CHRM2: variants seen among roughly 807,000 people sequenced by gnomAD.
CHRM2 encodes the protein muscarinic acetylcholine receptor M2.
In CHRM2, 8 loss-of-function variants were observed where a neutral mutation model predicts 25.0. That is an observed-to-expected ratio of 0.32 (90% CI 0.19 to 0.58). The LOEUF (loss-of-function observed/expected upper bound fraction) is 0.58, where lower values mean the gene tolerates loss of function less well. Ranked by LOEUF, CHRM2 falls within the 20% of genes least tolerant of loss-of-function variation. The pLI is 0.88. For missense variants in CHRM2, 440 were observed against 567.1 expected, an observed-to-expected ratio of 0.78 and a Z score of 2.28; for synonymous variants, 202 against 205.7, an observed-to-expected ratio of 0.98 and a Z score of 0.15.
intron 2 of CHRM2, chr7:136,913,987 T>C (rs1030829063): frequency 6.6e-6 from 1 of 151,968 alleles, no homozygotes; most frequent in Non-Finnish European, 1.5e-5. Context: ...GTCAGTTTAA[T>C]GTATCGGATG....
chr7:136,935,381 C>A (rs1371305203), intron 2 of CHRM2, among the ~76,000 whole-genome samples: 1 of 152,008 alleles, frequency 6.6e-6, no homozygotes. Context: ...GTACACAGTA[C>A]CCCAGGCAAA....
At chr7:136,968,396 A>G (rs1801548283) in intron 2 of CHRM2, among the ~76,000 whole-genome samples, 1 of 142,962 alleles carries the variant, frequency 7.0e-6, no homozygotes, top group Non-Finnish European at 1.6e-5. Context: ...CTGAGGGTGT[A>G]GAACAAAGGG....
rs541458670 is a variant in CHRM2 at position 136,928,920 on chromosome 7, G to A, written c.-125+59502G>A. Among the ~76,000 whole-genome samples, 396 of 152,306 alleles carry A rather than the reference G, an allele frequency of 2.6e-3. 1 individual carries two copies. Among genetic ancestry groups the A allele is most frequent in the Non-Finnish European group, 2.9e-3 (198 of 68,018 alleles). ...ATAGCAGCTATCTCACAGGGTTGCTGTGAGGATGAAATAAGAGGCTCTATA... is the reference window on the plus strand; with the variant it reads ...ATAGCAGCTATCTCACAGGGTTGCTATGAGGATGAAATAAGAGGCTCTATA... On this transcript the variant is annotated intron_variant, in intron 2 of 3. Coordinates refer to ENST00000680005, the MANE Select transcript of CHRM2 (RefSeq NM_001006630.2).
chr7:136,884,209 T>C (rs1230553263), intron 2 of CHRM2, among the ~76,000 whole-genome samples: 2 of 152,174 alleles, frequency 1.3e-5, no homozygotes, highest in Admixed American at 6.5e-5. Context: ...TGAACTCTTT[T>C]ATAAAACGAC....
Position 137,015,270 on chromosome 7 carries a change from G to C in CHRM2, c.405G>C (p.Arg135=). 1.9e-6 allele frequency: 3 copies of C among 1,613,316 alleles called. No homozygotes were observed. The highest frequency in any genetic ancestry group is 2.5e-6 in the Non-Finnish European group (3 of 1,179,630). ...VTKPLTYPVK[R]TTKMAGMMIA... is the part of the protein sequence containing the mutation. Reference sequence around the variant, plus strand: ...AACCTCTGACCTACCCAGTCAAGCGGACCACAAAAATGGCAGGTATGATGA... The same window carrying C: ...AACCTCTGACCTACCCAGTCAAGCGCACCACAAAAATGGCAGGTATGATGA... Residue 135 remains arginine, a synonymous_variant, in exon 4 of 4, where the codon CGG becomes CGC. Transcript: ENST00000680005. This position sits in a 1 kb window ranked among gnomAD's most constrained non-coding sequence, Gnocchi z 5.1.
intron 2 of CHRM2, among the ~76,000 whole-genome samples, chr7:136,963,375 T>C (rs324576): frequency 0.88 from 133,540 of 152,134 alleles, 59,170 homozygotes; most frequent in Middle Eastern, 0.97. Context: ...TGATCTCTGC[T>C]CTTGAGGAAC....
At chr7:136,957,236 A>T (rs914663084) in intron 2 of CHRM2, among the ~76,000 whole-genome samples, 1 of 149,824 alleles carries the variant, frequency 6.7e-6, no homozygotes, top group African/African-American at 2.5e-5. Flanking sequence ...CTATCAACAT[A>T]ACAGGTGTCA....
At position 136,868,748 on chromosome 7, in the gene CHRM2, A is replaced by G. The variant is rs1485587971; in HGVS notation, c.-527A>G. ...AAAGACCTAGGGAGCGCGCGCGGGC[A>G]CACACACACACACACACACACACAC... On this transcript the variant is annotated 5_prime_UTR_variant, in exon 1 of 4. Transcript: ENST00000680005. 1 of 13,530 alleles carries G rather than the reference A, an allele frequency of 7.4e-5. No homozygotes were observed. Among genetic ancestry groups the G allele is most frequent in the Non-Finnish European group, 1.8e-4 (1 of 5,564 alleles). The allele number at this position is 13,530 out of a possible 1,614,324, so 0.8% of individuals were successfully genotyped here.
intron 2 of CHRM2, among the ~76,000 whole-genome samples, chr7:136,905,481 T>C (rs1797485085): frequency 6.6e-6 from 1 of 151,784 alleles, no homozygotes; most frequent in Non-Finnish European, 1.5e-5. Flanking sequence ...TTTTGAATTT[T>C]ATACATAACT....
intron 2 of CHRM2, among the ~76,000 whole-genome samples, chr7:136,923,546 T>C (rs188308451): frequency 6.6e-4 from 100 of 152,248 alleles, no homozygotes; most frequent in Non-Finnish European, 1.2e-3. Flanking sequence ...TTAGAAAGAA[T>C]TGGTCACTTG....
At chr7:136,937,329 A>C (rs534066970) in intron 2 of CHRM2, among the ~76,000 whole-genome samples, 4 of 152,252 alleles carry the variant, frequency 2.6e-5, no homozygotes, top group South Asian at 2.1e-4. Flanking sequence ...TATTTAAACA[A>C]GAAGTCAAAC....
chr7:136,945,743 C>T (rs540583239), intron 2 of CHRM2, among the ~76,000 whole-genome samples: 1 of 152,138 alleles, frequency 6.6e-6, no homozygotes, highest in East Asian at 1.9e-4. Flanking sequence ...GAAAAATCTT[C>T]CTGGAGGCAT....
At chr7:136,911,785 C>T (rs1040303508) in intron 2 of CHRM2, among the ~76,000 whole-genome samples, 4 of 151,796 alleles carry the variant, frequency 2.6e-5, no homozygotes, top group Admixed American at 2.6e-4. Context: ...TTCTTTTCTC[C>T]TTCATACAAT....
At chr7:136,930,862 A>C (rs1799043695) in intron 2 of CHRM2, among the ~76,000 whole-genome samples, 1 of 135,118 alleles carries the variant, frequency 7.4e-6, no homozygotes, top group Non-Finnish European at 1.5e-5. Context: ...GCGCCACTGC[A>C]CTCCAGCCTG....
intron 3 of CHRM2, among the ~76,000 whole-genome samples, chr7:136,998,883 T>G (rs1018616118): frequency 1.3e-5 from 2 of 152,112 alleles, no homozygotes; most frequent in Non-Finnish European, 2.9e-5. Context: ...AGAAAACATG[T>G]GCACATAGTG....
intron 2 of CHRM2, among the ~76,000 whole-genome samples, chr7:136,881,722 C>G (rs1304930688): frequency 2.6e-5 from 4 of 151,906 alleles, no homozygotes. Context: ...TAAATTCAGA[C>G]AACAAAAATC....
chr7:136,967,183 G>A (rs1801473555), intron 2 of CHRM2, among the ~76,000 whole-genome samples: 1 of 152,012 alleles, frequency 6.6e-6, no homozygotes, highest in Admixed American at 6.6e-5. Context: ...GGATAGCACT[G>A]TGGAAGGCAG....
intron 2 of CHRM2, among the ~76,000 whole-genome samples, chr7:136,888,979 C>T (rs752838399): frequency 1.5e-5 from 2 of 129,082 alleles, no homozygotes; most frequent in Non-Finnish European, 3.1e-5. Context: ...ACCCGGGAGG[C>T]GGAGCTTGCA....
At chr7:136,904,921 T>C (rs1797448672) in intron 2 of CHRM2, among the ~76,000 whole-genome samples, 1 of 151,972 alleles carries the variant, frequency 6.6e-6, no homozygotes, top group Admixed American at 6.6e-5. Flanking sequence ...ACTACACTTC[T>C]GTATTTGTAA....
Sources: allele counts gnomAD v4.1 joint callset (sites outside exome capture counted in the v4.1 genomes callset), GRCh38; gene constraint gnomAD v4.1.1; non-coding constraint Gnocchi (gnomAD v3.1); transcripts MANE v1.5; gene names NCBI Gene and HGNC (gene_info 2026-07-23, HGNC 2026-07-21).